Variants in TTC29 observed in about 807,000 individuals in gnomAD.
The protein encoded by TTC29 is tetratricopeptide repeat protein 29.
A neutral mutation model predicts 58.1 loss-of-function variants in TTC29; 49 were observed. The ratio of observed to expected loss-of-function variants is 0.84; its 90% CI spans 0.67 to 1.07. The LOEUF is 1.07. Ranked by LOEUF, TTC29 falls within the 50% of genes least tolerant of loss-of-function variation. The pLI, the probability that TTC29 is intolerant of heterozygous loss-of-function variation, is 0.00. For missense variants in TTC29, 582 were observed against 555.6 expected (o/e 1.05, Z -0.48); for synonymous variants, 209 against 196.8 (o/e 1.06, Z -0.52).
intron 11 of TTC29, among the ~76,000 whole-genome samples, chr4:146,800,302 G>A (rs565896249): frequency 4.6e-5 from 7 of 152,220 alleles, no homozygotes; most frequent in African/African-American, 1.7e-4. Context: ...TCCCTTAGGG[G>A]GTCATGTTCC....
chr4:146,828,209 T>C (rs1044627019), intron 9 of TTC29, among the ~76,000 whole-genome samples: 1 of 152,156 alleles, frequency 6.6e-6, no homozygotes, highest in African/African-American at 2.4e-5. Flanking sequence ...AATGCAGGCA[T>C]AGAGTAAAAT....
intron 4 of TTC29, among the ~76,000 whole-genome samples, chr4:146,913,145 A>G (rs1446215900): frequency 6.6e-6 from 1 of 152,150 alleles, no homozygotes; most frequent in African/African-American, 2.4e-5. Context: ...CACACAAGCA[A>G]TGCCACCTTT....
chr4:146,871,839 A>C (rs1407996734), intron 7 of TTC29, among the ~76,000 whole-genome samples: 1 of 152,040 alleles, frequency 6.6e-6, no homozygotes, highest in Non-Finnish European at 1.5e-5. Flanking sequence ...AAATTGATTG[A>C]CAGATTCAAT....
intron 11 of TTC29, among the ~76,000 whole-genome samples, chr4:146,796,156 C>T (rs1453766997): frequency 6.6e-6 from 1 of 151,022 alleles, no homozygotes; most frequent in African/African-American, 2.5e-5. Context: ...AAAGTTAAAA[C>T]TGGTAACACC....
chr4:146,816,113 T>G (rs6832643), intron 10 of TTC29, among the ~76,000 whole-genome samples: 9,472 of 152,224 alleles, frequency 0.062, 399 homozygotes, highest in Admixed American at 0.13. Context: ...AAAAGCTGTG[T>G]CAACTTCCAG....
chr4:146,801,658 AAAAT>A (rs1288646401), intron 11 of TTC29, among the ~76,000 whole-genome samples: 2 of 152,176 alleles, frequency 1.3e-5, no homozygotes, highest in Non-Finnish European at 2.9e-5. Flanking sequence ...AAAGTATAGA[AAAAT>A]AAATAGTTTT....
intron 11 of TTC29, among the ~76,000 whole-genome samples, chr4:146,790,251 C>T (rs971316663): frequency 2.8e-4 from 42 of 151,418 alleles, no homozygotes; most frequent in South Asian, 2.1e-4. Flanking sequence ...TGCAGTGGCG[C>T]GATCTCGGCT....
At chr4:146,845,454 G>A (rs1436109515) in intron 8 of TTC29, among the ~76,000 whole-genome samples, 1 of 151,934 alleles carries the variant, frequency 6.6e-6, no homozygotes, top group Admixed American at 6.6e-5. Flanking sequence ...ATTTCTATGA[G>A]GATTCAAAGT....
At chr4:146,767,080 CAT>C (rs940516912) in intron 11 of TTC29, among the ~76,000 whole-genome samples, 8 of 152,040 alleles carry the variant, frequency 5.3e-5, no homozygotes, top group Admixed American at 3.9e-4. Context: ...CTTCGTAACA[CAT>C]GTCACTTCTA....
rs151277689 is a variant in TTC29, at chr4:146,725,209, A to G, written c.1331-17658T>C. On this transcript the variant is annotated intron_variant, in intron 11 of 12. Coordinates refer to ENST00000325106, the MANE Select transcript of TTC29 (RefSeq NM_031956.4). ...TACTTCAGTGAAAGAGATGCTACTA[A>G]AAGATATGACAGTACTTATTCAGAT... Among the ~76,000 whole-genome samples the G allele has an allele frequency of 4.0e-3, 616 of 152,274 alleles. 3 individuals are homozygous for G. The highest frequency in any genetic ancestry group is 7.6e-3 in the Non-Finnish European group (519 of 68,010).
intron 8 of TTC29, among the ~76,000 whole-genome samples, chr4:146,835,552 T>C (rs1024311938): frequency 3.3e-5 from 5 of 152,142 alleles, no homozygotes; most frequent in African/African-American, 1.2e-4. Context: ...TTTCAGCAAA[T>C]ACCACTATTG....
At chr4:146,853,695 A>T (rs1729655914) in intron 8 of TTC29, among the ~76,000 whole-genome samples, 1 of 152,194 alleles carries the variant, frequency 6.6e-6, no homozygotes, top group Admixed American at 6.5e-5. Context: ...TCTTGAGTCA[A>T]AAGATGTACA....
intron 8 of TTC29, among the ~76,000 whole-genome samples, chr4:146,841,916 AAAAGTACTGTCT>A (rs997621050): frequency 1.2e-4 from 19 of 152,250 alleles, no homozygotes; most frequent in Middle Eastern, 3.4e-3. Context: ...TTAGGTATGT[AAAAGTACTGTCT>A]AAGGATTTGA....
intron 8 of TTC29, among the ~76,000 whole-genome samples, chr4:146,845,325 G>A (rs970026869): frequency 1.3e-5 from 2 of 152,088 alleles, no homozygotes; most frequent in African/African-American, 4.8e-5. Flanking sequence ...AAGAGAAATA[G>A]GCCAGTAGAC....
intron 11 of TTC29, among the ~76,000 whole-genome samples, chr4:146,762,292 G>T (rs555405430): frequency 6.6e-6 from 1 of 151,456 alleles, no homozygotes; most frequent in Non-Finnish European, 1.5e-5. Context: ...AACGTCTGAG[G>T]TTGGAATATA....
intron 11 of TTC29, among the ~76,000 whole-genome samples, chr4:146,736,144 G>T (rs945273185): frequency 1.2e-4 from 19 of 152,032 alleles, no homozygotes; most frequent in African/African-American, 4.6e-4. Flanking sequence ...ATCTGAAATT[G>T]CCTGGAACGA....
intron 5 of TTC29, 85 bp downstream of exon 5, chr4:146,908,941 T>G: frequency 8.7e-7 from 1 of 1,155,372 alleles, no homozygotes; most frequent in Non-Finnish European, 1.3e-6. Context: ...TGTTTCAAAT[T>G]CATACATGAA....
At chr4:146,898,367 TC>T (rs1235645392) in intron 6 of TTC29, among the ~76,000 whole-genome samples, 1 of 152,164 alleles carries the variant, frequency 6.6e-6, no homozygotes, top group Admixed American at 6.5e-5. Flanking sequence ...CCTTCTGAGC[TC>T]CTGGCAATTT....
intron 11 of TTC29, among the ~76,000 whole-genome samples, chr4:146,780,588 A>G (rs553758082): frequency 1.3e-5 from 2 of 152,058 alleles, no homozygotes; most frequent in East Asian, 3.9e-4. Context: ...CTCTATGATT[A>G]AGTGTTCTTC....
Sources: allele counts gnomAD v4.1 joint callset (sites outside exome capture counted in the v4.1 genomes callset), GRCh38; gene constraint gnomAD v4.1.1; transcripts MANE v1.5; gene names NCBI Gene and HGNC (gene_info 2026-07-23, HGNC 2026-07-21).